The following RYR2 variants were observed in gnomAD, a reference collection of about 807,000 sequenced individuals.
RYR2 encodes ryanodine receptor 2.
Under a neutral mutation model 601.1 loss-of-function variants are expected in RYR2, and 227 were observed. The observed-to-expected ratio is 0.38, with a 90% confidence interval of 0.34 to 0.42. RYR2 has a LOEUF of 0.42. RYR2 is among the 10% of genes least tolerant of loss of function. RYR2 has a pLI of 1.00. For synonymous variants in RYR2, 2,223 were observed against 2,175.1 expected (o/e 1.02, Z -0.61); for missense variants, 4,646 against 6,156.5 (o/e 0.75, Z 8.21).
intron 32 of RYR2, 146 bp from the exon 33 acceptor site, chr1:237,593,330 A>G (rs1385719439): frequency 4.6e-6 from 3 of 647,656 alleles, no homozygotes; most frequent in Non-Finnish European, 7.4e-6. Flanking sequence ...CTTTGTGCCT[A>G]CAATATTTTC....
Position 237,595,655 on chromosome 1 carries a change from C to T in RYR2, c.4594C>T (p.Gln1532Ter). Residue 1532 changes from glutamine to a stop codon, truncating the protein, a stop_gained and splice_region_variant, in exon 34 of 105, where the codon CAG becomes TAG. Transcript: ENST00000366574. LOFTEE classifies it high-confidence loss of function. ...ANGKELSTYY[Q>*]VEPSTKLFPA... ...TGGCAAGGAACTGAGCACATACTAT[C>T]AGGTACGCGGTCAGTGATGATATCA... is the stretch of plus-strand genomic sequence containing the variant. The T allele has an allele frequency of 6.2e-7, 1 of 1,610,982 alleles. No individual in the cohort carries two copies. The highest frequency in any genetic ancestry group is 8.5e-7 in the Non-Finnish European group (1 of 1,178,892).
At chr1:237,388,994 T>C (rs1702160212) in intron 10 of RYR2, among the ~76,000 whole-genome samples, 2 of 152,020 alleles carry the variant, frequency 1.3e-5, no homozygotes, top group Admixed American at 6.6e-5. Context: ...AAATTAAGAG[T>C]CATTTAACCA....
intron 84 of RYR2, among the ~76,000 whole-genome samples, chr1:237,762,827 C>T (rs1693534469): frequency 6.6e-6 from 1 of 152,184 alleles, no homozygotes; most frequent in African/African-American, 2.4e-5. Flanking sequence ...AAAATCTCAA[C>T]TTTTTTTCTT....
intron 1 of RYR2, among the ~76,000 whole-genome samples, chr1:237,197,005 G>A (rs1231727164): frequency 6.6e-6 from 1 of 151,986 alleles, no homozygotes; most frequent in South Asian, 2.1e-4. Context: ...ATATTCTTAA[G>A]TGTGTCATTT....
At chr1:237,486,061 T>G (rs1572543647) in intron 17 of RYR2, among the ~76,000 whole-genome samples, 2 of 152,278 alleles carry the variant, frequency 1.3e-5, no homozygotes, top group South Asian at 4.1e-4. Context: ...TAATGAATTT[T>G]AACAATTAGA....
chr1:237,374,059 A>G (rs1046649453), intron 6 of RYR2, among the ~76,000 whole-genome samples: 2 of 152,214 alleles, frequency 1.3e-5, no homozygotes, highest in African/African-American at 4.8e-5. Context: ...AGAAAAGACT[A>G]CAATTCCTTT....
rs547942932 is a variant in RYR2 at position 237,224,698 on chromosome 1, A to T, written c.49-45799A>T. On this transcript the variant is annotated intron_variant, in intron 1 of 104. Coordinates refer to ENST00000366574, the MANE Select transcript of RYR2 (RefSeq NM_001035.3). Reference sequence around the variant, plus strand: ...CATAGTGAGATTCCATCTTTATAAAAACATTTTAAAAAAAAGTTAGGTGTG... The same window carrying T: ...CATAGTGAGATTCCATCTTTATAAATACATTTTAAAAAAAAGTTAGGTGTG... Among the ~76,000 whole-genome samples the T allele has an allele frequency of 2.0e-3, 303 of 152,224 alleles. 2 individuals are homozygous for T. Among genetic ancestry groups the T allele is most frequent in the Non-Finnish European group, 3.0e-3 (207 of 68,010 alleles).
chr1:237,413,876 A>G (rs535171128), intron 10 of RYR2, among the ~76,000 whole-genome samples: 91 of 152,230 alleles, frequency 6.0e-4, no homozygotes, highest in African/African-American at 2.0e-3. Context: ...AAAAGTGTTC[A>G]AAGTTTACCT....
rs748085424 is a variant in RYR2, at chr1:237,566,749, C to A, written c.3397C>A (p.Arg1133Ser). Reference sequence around the variant, plus strand: ...GGATCAGGAGCTTGGCTCAGATGAACGTGCCTTTGCCTTTGATGGCTTCAA... The same window carrying A: ...GGATCAGGAGCTTGGCTCAGATGAAAGTGCCTTTGCCTTTGATGGCTTCAA... ...QPDQELGSDE[R>S]AFAFDGFKAQ... Residue 1133 changes from arginine to serine, a missense_variant, in exon 28 of 105, where the codon CGT (arginine) becomes AGT (serine). Around this residue, in one of 17 missense-constraint regions of RYR2, gnomAD observed 1,807 missense variants for 2,088.1 expected, o/e 0.87. Coordinates refer to ENST00000366574, the MANE Select transcript of RYR2 (RefSeq NM_001035.3). 6.2e-7 allele frequency: 1 copy of A among 1,613,956 alleles called. No individual in the cohort carries two copies. The highest frequency in any genetic ancestry group is 8.5e-7 in the Non-Finnish European group (1 of 1,179,860).
intron 1 of RYR2, among the ~76,000 whole-genome samples, chr1:237,084,926 C>T (rs1451806339): frequency 6.6e-6 from 1 of 152,220 alleles, no homozygotes; most frequent in African/African-American, 2.4e-5. Flanking sequence ...CCTGGAATAA[C>T]CTTGCCGACA....
intron 30 of RYR2, 70 bp downstream of exon 30, chr1:237,590,071 T>G: frequency 6.7e-6 from 9 of 1,338,806 alleles, no homozygotes; most frequent in Non-Finnish European, 9.3e-6. Flanking sequence ...ACAAAGGAAC[T>G]TCTGCTTAGA....
At chr1:237,737,551 T>A (rs1187638394) in intron 79 of RYR2, among the ~76,000 whole-genome samples, 1 of 152,244 alleles carries the variant, frequency 6.6e-6, no homozygotes, top group East Asian at 1.9e-4. Flanking sequence ...TATTATACTG[T>A]TGACTTTTAA....
intron 98 of RYR2, among the ~76,000 whole-genome samples, chr1:237,803,357 G>T (rs1015355223): frequency 2.0e-5 from 3 of 151,460 alleles, no homozygotes; most frequent in Admixed American, 6.6e-5. Flanking sequence ...AGGCTGGAGT[G>T]CAGTGGCACA....
At chr1:237,315,772 G>A (rs1341199735) in intron 2 of RYR2, among the ~76,000 whole-genome samples, 1 of 152,188 alleles carries the variant, frequency 6.6e-6, no homozygotes, top group East Asian at 1.9e-4. Flanking sequence ...AGGGATGGTA[G>A]AAATTGGACA....
At chr1:237,723,380 A>T (rs1376826052) in intron 74 of RYR2, 118 bp downstream of exon 74, 2 of 670,388 alleles carry the variant, frequency 3.0e-6, no homozygotes, top group East Asian at 5.5e-5. Context: ...CAGCATATTC[A>T]TTCTAAAGAA....
At chr1:237,775,095 A>AAC (rs869105861) in intron 87 of RYR2, among the ~76,000 whole-genome samples, 1 of 147,852 alleles carries the variant, frequency 6.8e-6, no homozygotes, top group African/African-American at 2.5e-5. Flanking sequence ...AAAAAAAAAA[A>AAC]CAGAAGTAAC....
At position 237,784,891 on chromosome 1, in the gene RYR2, G is replaced by C. The variant is rs1695422195; in HGVS notation, c.13179G>C (p.Leu4393=). 1 of 1,612,804 alleles carries C rather than the reference G, an allele frequency of 6.2e-7. No individual in the cohort carries two copies. The highest frequency in any genetic ancestry group is 2.2e-5 in the East Asian group (1 of 44,782). Residue 4393 remains leucine, a synonymous_variant, in exon 90 of 105, where the codon CTG becomes CTC. Coordinates refer to ENST00000366574, the MANE Select transcript of RYR2 (RefSeq NM_001035.3). The surrounding 1 kb of genome is among the most constrained non-coding windows in gnomAD (Gnocchi z 7.1). ...DLKREGGQYK[L]IPHNPNAGLS... is the part of the protein sequence containing the mutation. ...AGAGAGAAGGAGGACAGTACAAACT[G>C]ATTCCTCATAATCCAAATGCTGGGC...
intron 1 of RYR2, among the ~76,000 whole-genome samples, chr1:237,261,567 C>T (rs978810014): frequency 2.0e-5 from 3 of 152,214 alleles, no homozygotes; most frequent in African/African-American, 7.2e-5. Context: ...TATTGTGGGA[C>T]GAGTGAAGGC....
intron 2 of RYR2, among the ~76,000 whole-genome samples, chr1:237,327,300 C>T (rs558752668): frequency 1.3e-5 from 2 of 152,048 alleles, no homozygotes; most frequent in South Asian, 2.1e-4. Flanking sequence ...AGATTGTTGG[C>T]GTGTTTATTT....
Sources: allele counts gnomAD v4.1 joint callset (sites outside exome capture counted in the v4.1 genomes callset), GRCh38; gene constraint gnomAD v4.1.1; regional missense constraint gnomAD v4.1.1; non-coding constraint Gnocchi (gnomAD v3.1); transcripts MANE v1.5; gene names NCBI Gene and HGNC (gene_info 2026-07-23, HGNC 2026-07-21).